DAD1: variants seen among roughly 807,000 people sequenced by gnomAD.
DAD1 encodes the protein defender against cell death 1.
A neutral mutation model predicts 9.0 loss-of-function variants in DAD1; 4 were observed. The ratio of observed to expected loss-of-function variants is 0.44; its 90% confidence interval spans 0.22 to 1.01. DAD1 has a LOEUF of 1.01. DAD1 is among the 50% of genes least tolerant of loss of function. DAD1 has a pLI of 0.24. For missense variants in DAD1, 119 were observed against 137.3 expected, an observed-to-expected ratio of 0.87 and a Z score of 0.67; for synonymous variants, 60 against 62.5, an observed-to-expected ratio of 0.96 and a Z score of 0.19.
chr14:22,581,151 A>G (rs1566373681), intron 1 of DAD1, among the ~76,000 whole-genome samples: 2 of 152,248 alleles, frequency 1.3e-5, no homozygotes, highest in East Asian at 3.8e-4. Flanking sequence ...TGCTAGGAAT[A>G]TGGCACAGAA....
chr14:22,573,386 G>T, intron 2 of DAD1, among the ~76,000 whole-genome samples: 1 of 151,988 alleles, frequency 6.6e-6, no homozygotes, highest in East Asian at 1.9e-4. Context: ...GGAGGAAGAG[G>T]ATAACTCAAG....
In DAD1 at chr14:22,574,776, A is replaced by G. The variant is rs2037065282; in HGVS notation, c.*44+283T>C. Among the ~76,000 whole-genome samples the G allele has an allele frequency of 2.7e-5, 4 of 149,290 alleles. No individual in the cohort carries two copies. In the South Asian group the frequency reaches 8.3e-4, roughly 31 times the overall value. The stretch of plus-strand genomic sequence containing the variant: ...ATTTATGTCTCTTCCAAAATCTCCG[A>G]GTTATTTTCGTGGAGTTATTGGTAC... On this transcript the variant is annotated intron_variant, in intron 2 of 2. Transcript: ENST00000250498.
chr14:22,565,427 G>A (rs531001462), intron 2 of DAD1, among the ~76,000 whole-genome samples: 15 of 151,060 alleles, frequency 9.9e-5, no homozygotes, highest in African/African-American at 1.5e-4. Context: ...TTAATTAGCC[G>A]CAAGACTTCA....
intron 1 of DAD1, among the ~76,000 whole-genome samples, chr14:22,586,842 T>C (rs577562298): frequency 1.3e-5 from 2 of 152,322 alleles, no homozygotes; most frequent in South Asian, 4.1e-4. Flanking sequence ...GTCAATGCTG[T>C]CAAAAGAAGG....
At position 22,565,541 on chromosome 14, in the gene DAD1, T is replaced by C. The variant is rs139421851; in HGVS notation, c.*45-404A>G. Among the ~76,000 whole-genome samples, 3 of 152,270 alleles carry C rather than the reference T, an allele frequency of 2.0e-5. No individual in the cohort carries two copies. In the East Asian group the frequency reaches 5.8e-4, roughly 29 times the overall value. On this transcript the variant is annotated intron_variant, in intron 2 of 2. Transcript: ENST00000250498. ...TCTAAAATGCTTATGAAGCACAGAT[T>C]TCCATTGGTGGGGAGGCAGGGTAGG...
Position 22,580,254 on chromosome 14 carries a change from C to CAA in DAD1, c.212-5023_212-5022dup, listed in dbSNP as rs34715640. Among the ~76,000 whole-genome samples, 2 of 151,206 alleles carry CAA rather than the reference C, an allele frequency of 1.3e-5. 1 individual carries two copies. Among genetic ancestry groups the CAA allele is most frequent in the African/African-American group, 4.9e-5 (2 of 41,096 alleles). On this transcript the variant is annotated intron_variant, in intron 1 of 2. Transcript: ENST00000250498. Reference sequence around the variant, plus strand: ...GAAAGATAGGGAGACCCTGTCTCTACAAAAAAAATGTTTTAATTAGCCAGG... The same window carrying CAA: ...GAAAGATAGGGAGACCCTGTCTCTACAAAAAAAAAATGTTTTAATTAGCCAGG...
intron 1 of DAD1, among the ~76,000 whole-genome samples, chr14:22,588,413 TG>T (rs1277900190): frequency 6.6e-6 from 1 of 152,166 alleles, no homozygotes; most frequent in Non-Finnish European, 1.5e-5. Context: ...GAACAAAAAT[TG>T]GGTTCAGGAC....
chr14:22,588,998 T>C lies in DAD1; in HGVS notation c.160A>G (p.Asn54Asp). 1 of 1,614,104 alleles carries C rather than the reference T, an allele frequency of 6.2e-7. No individual in the cohort carries two copies. Among genetic ancestry groups the C allele is most frequent in the Non-Finnish European group, 8.5e-7 (1 of 1,180,022 alleles). ...YCLLVGTFPFNSFLSGFISCV... is the reference protein window; with the variant it reads ...YCLLVGTFPFDSFLSGFISCV... ...GAGATGAAGCCCGAGAGAAAAGAGT[T>C]GAAGGGGAAGGTCCCCACGAGGAGA... The change falls in exon 1 of 3, where the codon AAC becomes GAC. Residue 54 changes from asparagine (N) to aspartate (D), a missense_variant. Asn to Asp is a conservative substitution (Grantham distance 23). Coordinates refer to ENST00000250498, the MANE Select transcript of DAD1 (RefSeq NM_001344.4).
At chr14:22,569,648 G>T (rs1011785116) in intron 2 of DAD1, among the ~76,000 whole-genome samples, 3 of 152,170 alleles carry the variant, frequency 2.0e-5, no homozygotes, top group Admixed American at 6.5e-5. Context: ...CAAGCTGGGA[G>T]GATGGAGAAA....
rs749108881 is a variant in DAD1 at position 22,589,017 on chromosome 14, G to C, written c.141C>G (p.Leu47=). 1 of 1,614,206 alleles carries C rather than the reference G, an allele frequency of 6.2e-7. No individual in the cohort carries two copies. Among genetic ancestry groups the C allele is most frequent in the South Asian group, 1.1e-5 (1 of 91,088 alleles). ...TGALQFGYCL[L]VGTFPFNSFL... is the part of the protein sequence containing the mutation. ...AAGAGTTGAAGGGGAAGGTCCCCACGAGGAGACAGTAACCGAACTGCAGCG... is the reference window on the plus strand; with the variant it reads ...AAGAGTTGAAGGGGAAGGTCCCCACCAGGAGACAGTAACCGAACTGCAGCG... Residue 47 remains leucine, a synonymous_variant, in exon 1 of 3, where the codon CTC becomes CTG. Transcript: ENST00000250498.
chr14:22,588,904 C>CA (rs774647525), intron 1 of DAD1, 43 bp downstream of exon 1: 2 of 1,599,452 alleles, frequency 1.3e-6, no homozygotes. Context: ...AGCAGCACAC[C>CA]AAAGTAACAC....
chr14:22,571,899 G>C (rs1003846435), intron 2 of DAD1, among the ~76,000 whole-genome samples: 1 of 152,052 alleles, frequency 6.6e-6, no homozygotes, highest in Admixed American at 6.6e-5. Context: ...CAAAATGCTG[G>C]GATTACAGGC....
chr14:22,566,124 C>A (rs5742865), intron 2 of DAD1, among the ~76,000 whole-genome samples: 14,283 of 152,176 alleles, frequency 0.094, 1,233 homozygotes, highest in African/African-American at 0.23. Flanking sequence ...TTCACTAACA[C>A]TGGTATTTAC....
chr14:22,583,005 C>CAAAAAA (rs60692589), intron 1 of DAD1, among the ~76,000 whole-genome samples: 5,364 of 91,424 alleles, frequency 0.059, 194 homozygotes, highest in African/African-American at 0.11. Flanking sequence ...GACTATGTCT[C>CAAAAAA]AAAAAAAAAA....
Position 22,570,641 on chromosome 14 carries a change from T to A in DAD1, c.*44+4418A>T, listed in dbSNP as rs551172677. ...ATTTTCTAGATTACTATACTTTAAC[T>A]GAATTCGAAAAGCCAACATAATTTC... On this transcript the variant is annotated intron_variant, in intron 2 of 2. Transcript: ENST00000250498. 2.2e-3 allele frequency among the ~76,000 whole-genome samples: 332 copies of A among 152,326 alleles called. 1 individual carries two copies. Among genetic ancestry groups the A allele is most frequent in the African/African-American group, 7.7e-3 (318 of 41,558 alleles).
intron 1 of DAD1, among the ~76,000 whole-genome samples, chr14:22,583,157 T>G (rs1235027849): frequency 6.6e-6 from 1 of 152,084 alleles, no homozygotes; most frequent in East Asian, 1.9e-4. Context: ...GGCAACTGGA[T>G]TTACTAATTT....
intron 1 of DAD1, among the ~76,000 whole-genome samples, chr14:22,576,656 T>C (rs1246458359): frequency 6.6e-6 from 1 of 152,090 alleles, no homozygotes; most frequent in Admixed American, 6.6e-5. Flanking sequence ...GTGATAAAGG[T>C]ACAATAAAGG....
At chr14:22,569,006 G>C (rs1349821988) in intron 2 of DAD1, among the ~76,000 whole-genome samples, 1 of 152,118 alleles carries the variant, frequency 6.6e-6, no homozygotes, top group Non-Finnish European at 1.5e-5. Flanking sequence ...CCCCTCCTCT[G>C]ACTTCTTGTC....
At chr14:22,588,387 T>C (rs759819147) in intron 1 of DAD1, among the ~76,000 whole-genome samples, 7 of 152,096 alleles carry the variant, frequency 4.6e-5, no homozygotes, top group Non-Finnish European at 1.0e-4. Context: ...AAAATAAGGC[T>C]AAAATAGAGT....
Sources: gnomAD v4.1 joint callset for allele counts (sites outside exome capture counted in the v4.1 genomes callset) on GRCh38, gnomAD v4.1.1 for gene constraint, MANE v1.5 for transcripts, NCBI Gene and HGNC (gene_info 2026-07-23, HGNC 2026-07-21) for gene names.